The following PACRG variants were observed in gnomAD, a reference collection of about 807,000 sequenced individuals.
PACRG encodes parkin coregulated, also known as parkin coregulated gene protein.
In PACRG, 29 loss-of-function variants were observed where a neutral mutation model predicts 29.7. The ratio of observed to expected loss-of-function variants is 0.98; its 90% CI spans 0.73 to 1.33. The LOEUF is 1.33. PACRG is among the 40% of genes most tolerant of loss of function. The probability of loss-of-function intolerance (pLI) is 0.00; values close to 1 mark genes in which losing one functional copy is unlikely to be tolerated. For synonymous variants in PACRG, 116 were observed against 118.7 expected (o/e 0.98, Z 0.15); for missense variants, 279 against 316.2 (o/e 0.88, Z 0.89).
chr6:163,273,183 G>A (rs553974084), intron 4 of PACRG, among the ~76,000 whole-genome samples: 101 of 146,838 alleles, frequency 6.9e-4, no homozygotes, highest in Middle Eastern at 6.8e-3. Flanking sequence ...GTGAGCCACC[G>A]CGCCCGGCCT....
intron 2 of PACRG, among the ~76,000 whole-genome samples, chr6:162,824,072 C>T (rs963550002): frequency 6.6e-6 from 1 of 152,124 alleles, no homozygotes; most frequent in Admixed American, 6.5e-5. Flanking sequence ...CTGCCTTTAC[C>T]TATAGCATTT....
At chr6:162,918,522 A>G (rs1796852050) in intron 2 of PACRG, among the ~76,000 whole-genome samples, 1 of 152,190 alleles carries the variant, frequency 6.6e-6, no homozygotes, top group Admixed American at 6.5e-5. Flanking sequence ...CACCAGCACA[A>G]TGATTCCAAA....
At chr6:163,282,110 G>T in intron 4 of PACRG, among the ~76,000 whole-genome samples, 1 of 152,112 alleles carries the variant, frequency 6.6e-6, no homozygotes, top group Admixed American at 6.6e-5. Flanking sequence ...TAAAGCATTT[G>T]GATAATATTA....
intron 4 of PACRG, among the ~76,000 whole-genome samples, chr6:163,135,068 T>G (rs2128331175): frequency 6.6e-6 from 1 of 152,356 alleles, no homozygotes; most frequent in South Asian, 2.1e-4. Context: ...ATTTTTCACG[T>G]TGTGAATTTG....
In PACRG at chr6:163,064,838, GT is replaced by G. The variant is rs5881503; in HGVS notation, c.463+2530del. ...ACCATTACCAGCAAGCAGACTAGAA[GT>G]TTTTTTTTTTTTAATTCTAACTAAT... On this transcript the variant is annotated intron_variant, in intron 3 of 4. Coordinates refer to ENST00000366888, the MANE Select transcript of PACRG (RefSeq NM_001080379.2). Among the ~76,000 whole-genome samples, 104 of 147,724 alleles carry G rather than the reference GT, an allele frequency of 7.0e-4. 1 individual carries two copies. The highest frequency in any genetic ancestry group is 3.6e-3 in the Middle Eastern group (1 of 278).
At chr6:163,070,601 T>G (rs1405274259) in intron 3 of PACRG, among the ~76,000 whole-genome samples, 1 of 151,920 alleles carries the variant, frequency 6.6e-6, no homozygotes, top group Non-Finnish European at 1.5e-5. Flanking sequence ...GAAAATTACC[T>G]TCCTTCACTA....
At chr6:163,203,640 C>T (rs1362398509) in intron 4 of PACRG, among the ~76,000 whole-genome samples, 2 of 152,206 alleles carry the variant, frequency 1.3e-5, no homozygotes, top group African/African-American at 4.8e-5. Flanking sequence ...AGATAATCCG[C>T]TCTTTCTGAA....
At position 162,741,939 on chromosome 6, in the gene PACRG, T is replaced by A. The variant is rs962986155; in HGVS notation, c.156+13548T>A. On this transcript the variant is annotated intron_variant, in intron 1 of 4. Coordinates refer to ENST00000366888, the MANE Select transcript of PACRG (RefSeq NM_001080379.2). Reference sequence around the variant, plus strand: ...GAACAGTTAAATCTACTCTCAGTGATTTTCAAGAATGCAATTCATTGTGAT... The same window carrying A: ...GAACAGTTAAATCTACTCTCAGTGAATTTCAAGAATGCAATTCATTGTGAT... Among the ~76,000 whole-genome samples the A allele has an allele frequency of 5.9e-5, 9 of 152,338 alleles. No homozygotes were observed. In the East Asian group the frequency reaches 1.7e-3, roughly 29 times the overall value.
Position 162,750,184 on chromosome 6 carries a change from G to A in PACRG, c.156+21793G>A, listed in dbSNP as rs972160050. ...ATTTTCTTTCAAAGATACCTTAGGA[G>A]TCTTTCACATTTTATAAGAAACCAT... is the stretch of plus-strand genomic sequence containing the variant. On this transcript the variant is annotated intron_variant, in intron 1 of 4. Coordinates refer to ENST00000366888, the MANE Select transcript of PACRG (RefSeq NM_001080379.2). Among the ~76,000 whole-genome samples the A allele has an allele frequency of 2.0e-5, 3 of 152,124 alleles. No individual in the cohort carries two copies. The South Asian group carries it at 6.2e-4, about 31-fold the overall frequency.
At position 162,808,334 on chromosome 6, in the gene PACRG, A is replaced by G. The variant is rs117134876; in HGVS notation, c.157-5813A>G. Among the ~76,000 whole-genome samples, 60 of 152,354 alleles carry G rather than the reference A, an allele frequency of 3.9e-4. No homozygotes were observed. The East Asian group carries it at 0.011, about 29-fold the overall frequency. ...TGAACCTGATGAAAACAAGTAATCA[A>G]TATCTTTGCATCCTATTGTTTCAGT... On this transcript the variant is annotated intron_variant, in intron 1 of 4. Transcript: ENST00000366888.
At chr6:163,290,468 G>T (rs1270451208) in intron 4 of PACRG, among the ~76,000 whole-genome samples, 1 of 152,172 alleles carries the variant, frequency 6.6e-6, no homozygotes, top group Non-Finnish European at 1.5e-5. Flanking sequence ...AAAATGCAAG[G>T]GACTGAGCCA....
intron 4 of PACRG, among the ~76,000 whole-genome samples, chr6:163,254,839 A>C (rs1341064220): frequency 6.6e-6 from 1 of 152,206 alleles, no homozygotes. Context: ...CTTGGCCTGC[A>C]CTGTGCTGAT....
intron 4 of PACRG, among the ~76,000 whole-genome samples, chr6:163,154,457 G>A (rs1374856995): frequency 6.6e-6 from 1 of 152,160 alleles, no homozygotes; most frequent in Non-Finnish European, 1.5e-5. Context: ...CCTATGTGAG[G>A]CAGCTTTCCA....
chr6:163,021,630 G>C (rs1806630083), intron 2 of PACRG, among the ~76,000 whole-genome samples: 1 of 151,930 alleles, frequency 6.6e-6, no homozygotes, highest in South Asian at 2.1e-4. Flanking sequence ...TTTCCTTTCT[G>C]ATGAACTCTA....
chr6:163,088,669 T>C (rs1374306121), intron 3 of PACRG, among the ~76,000 whole-genome samples: 1 of 152,198 alleles, frequency 6.6e-6, no homozygotes, highest in Non-Finnish European at 1.5e-5. Flanking sequence ...ATAGCTTATG[T>C]GTTGTTTCCT....
intron 2 of PACRG, among the ~76,000 whole-genome samples, chr6:163,023,116 C>T (rs922366302): frequency 9.2e-5 from 14 of 152,086 alleles, no homozygotes; most frequent in South Asian, 2.1e-4. Flanking sequence ...GTGGTACATA[C>T]GCAGATTTGG....
At chr6:163,041,521 A>G (rs1206228471) in intron 2 of PACRG, among the ~76,000 whole-genome samples, 1 of 151,990 alleles carries the variant, frequency 6.6e-6, no homozygotes, top group Non-Finnish European at 1.5e-5. Context: ...CATGTAAGAC[A>G]CGCCTTGCTT....
At chr6:163,070,882 CA>C (rs1811979810) in intron 3 of PACRG, among the ~76,000 whole-genome samples, 1 of 151,248 alleles carries the variant, frequency 6.6e-6, no homozygotes, top group South Asian at 2.1e-4. Context: ...CAATGGAAAC[CA>C]AAAAAGAGCA....
At chr6:163,203,406 C>T (rs900558898) in intron 4 of PACRG, among the ~76,000 whole-genome samples, 4 of 151,962 alleles carry the variant, frequency 2.6e-5, no homozygotes, top group Non-Finnish European at 1.5e-5. Flanking sequence ...AGCGAGATTC[C>T]GTCTCAAAAA....
Sources: gnomAD v4.1 joint callset for allele counts (sites outside exome capture counted in the v4.1 genomes callset) on GRCh38, gnomAD v4.1.1 for gene constraint, MANE v1.5 for transcripts, NCBI Gene and HGNC (gene_info 2026-07-23, HGNC 2026-07-21) for gene names.